TRIP4: variants seen among roughly 807,000 people sequenced by gnomAD.
TRIP4 encodes the protein activating signal cointegrator 1.
In TRIP4, 54 loss-of-function variants were observed where a neutral mutation model predicts 81.8. The observed-to-expected ratio is 0.66, with a 90% CI of 0.53 to 0.83. The LOEUF is 0.83. Among genes scored for constraint, TRIP4 ranks in the 40% least tolerant of loss-of-function variants. The pLI, the probability that TRIP4 is intolerant of heterozygous loss-of-function variation, is 0.00. For synonymous variants in TRIP4, 270 were observed against 242.8 expected, an observed-to-expected ratio of 1.11 and a Z score of -1.04; for missense variants, 662 against 683.6, an observed-to-expected ratio of 0.97 and a Z score of 0.35.
chr15:64,439,512 CTTTTTTTTTTTTT>C lies in TRIP4; in HGVS notation c.1576-5478_1576-5466del, dbSNP rs71895300. 9.8e-3 allele frequency among the ~76,000 whole-genome samples: 471 copies of C among 48,018 alleles called. 6 individuals carry two copies. Among genetic ancestry groups the C allele is most frequent in the Non-Finnish European group, 0.013 (401 of 30,366 alleles). The allele number at this position is 48,018 out of a possible 152,430, so 31.5% of individuals were successfully genotyped here. ...GTTCTTCAAATAACAACTTATAAAT[CTTTTTTTTTTTTT>C]TTTTTTTTTTTTTTTGAGATGGAGT... On this transcript the variant is annotated intron_variant, in intron 11 of 12. Transcript: ENST00000261884.
chr15:64,396,704 A>G (rs2140282908), intron 3 of TRIP4, among the ~76,000 whole-genome samples: 1 of 152,330 alleles, frequency 6.6e-6, no homozygotes, highest in Admixed American at 6.5e-5. Context: ...TATTATTTGG[A>G]TAGTTTCCAA....
chr15:64,445,453 C>T (rs1054335703), intron 12 of TRIP4, among the ~76,000 whole-genome samples: 2 of 146,512 alleles, frequency 1.4e-5, no homozygotes, highest in Non-Finnish European at 3.0e-5. Context: ...GGTGAAACCC[C>T]CCCGTCTCTA....
At chr15:64,390,664 G>T (rs149971102) in intron 1 of TRIP4, among the ~76,000 whole-genome samples, 4,215 of 151,310 alleles carry the variant, frequency 0.028, 72 homozygotes, top group South Asian at 0.057. Flanking sequence ...GCCAAGGCAG[G>T]TGGACCACCT....
chr15:64,399,140 A>G (rs1290929081), intron 4 of TRIP4, among the ~76,000 whole-genome samples: 4 of 151,710 alleles, frequency 2.6e-5, no homozygotes, highest in Non-Finnish European at 5.9e-5. Flanking sequence ...TAGTAGAGAC[A>G]GGGTTTCACC....
intron 12 of TRIP4, among the ~76,000 whole-genome samples, chr15:64,450,409 A>AAAAAAG (rs1566987776): frequency 1.1e-4 from 16 of 151,056 alleles, no homozygotes; most frequent in African/African-American, 3.4e-4. Context: ...AAAAAAAAAA[A>AAAAAAG]AAAAAGAAAG....
chr15:64,394,185 A>ATTAT, intron 2 of TRIP4, 70 bp downstream of exon 2: 1 of 1,057,358 alleles, frequency 9.5e-7, no homozygotes, highest in Non-Finnish European at 1.3e-6. Context: ...TATTATTATT[A>ATTAT]TTTTTTTTTT....
chr15:64,397,900 T>C, intron 4 of TRIP4, 82 bp downstream of exon 4: 4 of 1,471,022 alleles, frequency 2.7e-6, no homozygotes, highest in Non-Finnish European at 3.7e-6. Flanking sequence ...AATTTCTCTT[T>C]TTTTGTTTTT....
rs1566985853 is a variant in TRIP4 at position 64,445,079 on chromosome 15, A to C, written c.1649A>C (p.Lys550Thr). 6.2e-7 allele frequency: 1 copy of C among 1,606,432 alleles called. No homozygotes were observed. The highest frequency in any genetic ancestry group is 2.2e-5 in the East Asian group (1 of 44,692). ...AAAAATCCTCAGGAAATGGTTGTGA[A>C]GTTTCCTATTAAAGGAAATCCAAAA... ...ICKNPQEMVV[K>T]FPIKGNPKIW... The change falls in exon 12 of 13, where the codon AAG (lysine) becomes ACG (threonine). Residue 550 changes from lysine to threonine, a missense_variant. Coordinates refer to ENST00000261884, the MANE Select transcript of TRIP4 (RefSeq NM_016213.5).
At chr15:64,392,397 G>A (rs953844099) in intron 1 of TRIP4, among the ~76,000 whole-genome samples, 2 of 152,198 alleles carry the variant, frequency 1.3e-5, no homozygotes, top group African/African-American at 2.4e-5. Flanking sequence ...GGACTGGTAA[G>A]TTTGGGGATC....
At chr15:64,399,393 T>C (rs1891433075) in intron 4 of TRIP4, among the ~76,000 whole-genome samples, 1 of 152,148 alleles carries the variant, frequency 6.6e-6, no homozygotes, top group South Asian at 2.1e-4. Context: ...AGCAAGCTCT[T>C]ATAGCTGCTG....
chr15:64,429,217 T>C (rs1036074873), intron 11 of TRIP4, among the ~76,000 whole-genome samples: 4 of 151,944 alleles, frequency 2.6e-5, no homozygotes, highest in African/African-American at 7.3e-5. Context: ...CTGGGGAGGC[T>C]GAGGCAGGAG....
At chr15:64,429,220 G>A (rs1207188858) in intron 11 of TRIP4, among the ~76,000 whole-genome samples, 2 of 152,060 alleles carry the variant, frequency 1.3e-5, no homozygotes, top group African/African-American at 4.8e-5. Flanking sequence ...GGGAGGCTGA[G>A]GCAGGAGAAT....
chr15:64,423,827 G>T (rs533399998), intron 9 of TRIP4, among the ~76,000 whole-genome samples: 1 of 152,308 alleles, frequency 6.6e-6, no homozygotes, highest in Admixed American at 6.5e-5. Flanking sequence ...TGATGGAGGA[G>T]AAATTAGTGG....
At chr15:64,414,282 A>G (rs1891839171) in intron 8 of TRIP4, 71 bp downstream of exon 8, 14 of 1,587,660 alleles carry the variant, frequency 8.8e-6, no homozygotes, top group Non-Finnish European at 1.0e-5. Flanking sequence ...AAGTATGTCT[A>G]TTTCATAGAC....
intron 11 of TRIP4, among the ~76,000 whole-genome samples, chr15:64,437,722 G>A (rs1233355857): frequency 6.6e-6 from 1 of 152,132 alleles, no homozygotes; most frequent in Non-Finnish European, 1.5e-5. Context: ...TGGAACTACT[G>A]TCCTCAGGTG....
At chr15:64,447,168 C>A (rs765247826) in intron 12 of TRIP4, among the ~76,000 whole-genome samples, 2 of 152,172 alleles carry the variant, frequency 1.3e-5, no homozygotes, top group Non-Finnish European at 2.9e-5. Flanking sequence ...GGTGTCCTCC[C>A]TGCCTAACAT....
At chr15:64,421,342 A>AT (rs955322284) in intron 9 of TRIP4, among the ~76,000 whole-genome samples, 130 of 136,806 alleles carry the variant, frequency 9.5e-4, no homozygotes, top group South Asian at 1.7e-3. Context: ...TCTTTCTTTC[A>AT]TTTTTTTTTT....
intron 5 of TRIP4, among the ~76,000 whole-genome samples, chr15:64,403,514 A>G (rs2140287815): frequency 6.6e-6 from 1 of 152,232 alleles, no homozygotes; most frequent in East Asian, 1.9e-4. Context: ...TACTTACGCA[A>G]ATATTTCATT....
intron 10 of TRIP4, among the ~76,000 whole-genome samples, chr15:64,424,526 A>C (rs1429313745): frequency 6.6e-6 from 1 of 152,188 alleles, no homozygotes; most frequent in Non-Finnish European, 1.5e-5. Context: ...CTACTATTGG[A>C]TTTGTACAAA....
Sources: allele counts gnomAD v4.1 joint callset (sites outside exome capture counted in the v4.1 genomes callset), GRCh38; gene constraint gnomAD v4.1.1; transcripts MANE v1.5; gene names NCBI Gene and HGNC (gene_info 2026-07-23, HGNC 2026-07-21).